POLR1A: variants seen among roughly 807,000 people sequenced by gnomAD.
POLR1A encodes RNA polymerase I subunit A, also known as DNA-directed RNA polymerase I subunit RPA1.
In POLR1A, 84 loss-of-function variants were observed where a neutral mutation model predicts 205.3. The observed-to-expected ratio is 0.41, with a 90% CI of 0.34 to 0.49. The LOEUF (loss-of-function observed/expected upper bound fraction) is 0.49, where lower values mean the gene tolerates loss of function less well. POLR1A is among the 20% of genes least tolerant of loss of function. The pLI, the probability that POLR1A is intolerant of heterozygous loss-of-function variation, is 0.22. For synonymous variants in POLR1A, 799 were observed against 863.7 expected (o/e 0.93, Z 1.31); for missense variants, 1,645 against 2,204.5 (o/e 0.75, Z 5.08).
intron 11 of POLR1A, 138 bp from the exon 12 acceptor site, chr2:86,075,398 T>C (rs1355988697): frequency 3.1e-6 from 2 of 648,986 alleles, no homozygotes; most frequent in East Asian, 5.4e-5. Context: ...GGTCTTCCAG[T>C]GAGCAAAGTA....
rs1011483381 is a variant in POLR1A at position 86,031,532 on chromosome 2, G to A, written c.4376C>T (p.Thr1459Ile). Residue 1459 changes from threonine (T) to isoleucine (I), a missense_variant, in exon 30 of 34, where the codon ACC (threonine) becomes ATC (isoleucine). This residue lies in a region of POLR1A where 394 missense variants were observed against 468.5 expected (regional missense o/e 0.84). Coordinates refer to ENST00000263857, the MANE Select transcript of POLR1A (RefSeq NM_015425.6). Reference protein sequence around the residue: ...RNPHREGARKTQEQDEEVGLG... With the variant: ...RNPHREGARKIQEQDEEVGLG... ...GCCCACCTCTTCATCTTGCTCTTGGGTCTTTCGAGCACCTTCCCTGTGGGG... is the reference window on the plus strand; with the variant it reads ...GCCCACCTCTTCATCTTGCTCTTGGATCTTTCGAGCACCTTCCCTGTGGGG... The A allele has an allele frequency of 6.2e-7, 1 of 1,614,172 alleles. No homozygotes were observed. Among genetic ancestry groups the A allele is most frequent in the African/African-American group, 1.3e-5 (1 of 75,042 alleles).
intron 3 of POLR1A, among the ~76,000 whole-genome samples, chr2:86,096,711 T>C (rs901525276): frequency 1.3e-5 from 2 of 152,114 alleles, no homozygotes; most frequent in African/African-American, 4.8e-5. Flanking sequence ...CTGGGAAAAC[T>C]AGATATCCAT....
intron 6 of POLR1A, 141 bp downstream of exon 6, chr2:86,088,425 A>G: frequency 1.7e-6 from 1 of 594,624 alleles, no homozygotes; most frequent in Non-Finnish European, 3.0e-6. Flanking sequence ...CTCAGGCCTG[A>G]GAGGCCTGCA....
chr2:86,068,134 C>T (rs1371570292), intron 13 of POLR1A, among the ~76,000 whole-genome samples: 1 of 152,180 alleles, frequency 6.6e-6, no homozygotes, highest in East Asian at 1.9e-4. Flanking sequence ...TCAAGCACAG[C>T]ACATTCAAGG....
chr2:86,081,617 C>A lies in POLR1A; in HGVS notation c.907G>T (p.Val303Leu). 1 of 1,602,846 alleles carries A rather than the reference C, an allele frequency of 6.2e-7. No homozygotes were observed. The highest frequency in any genetic ancestry group is 8.5e-7 in the Non-Finnish European group (1 of 1,174,062). The change falls in exon 8 of 34, where the codon GTG (valine) becomes TTG (leucine). Residue 303 changes from valine to leucine, a missense_variant. Around this residue, in one of 16 missense-constraint regions of POLR1A, gnomAD observed 330 missense variants for 375.6 expected, o/e 0.88. Coordinates refer to ENST00000263857, the MANE Select transcript of POLR1A (RefSeq NM_015425.6). ...GGGTATTACCTTGAGGGCGGCACCA[C>A]CAAGAAATCTAGAAAGAACACACTG... ...NPSVFFLDFL[V>L]VPPSRYRPVS... is the part of the protein sequence containing the mutation.
At chr2:86,093,120 A>C in intron 3 of POLR1A, among the ~76,000 whole-genome samples, 1 of 152,374 alleles carries the variant, frequency 6.6e-6, no homozygotes, top group South Asian at 2.1e-4. Flanking sequence ...TGAAAATTTC[A>C]GTATATATTG....
At chr2:86,077,702 A>T (rs1042736428) in intron 11 of POLR1A, among the ~76,000 whole-genome samples, 157 bp downstream of exon 11, 2 of 152,116 alleles carry the variant, frequency 1.3e-5, no homozygotes, top group Admixed American at 6.5e-5. Context: ...AAGAGGCAGA[A>T]GCTAGTTCCG....
intron 1 of POLR1A, among the ~76,000 whole-genome samples, chr2:86,103,637 A>ACT (rs1296745727): frequency 6.6e-6 from 1 of 152,224 alleles, no homozygotes; most frequent in Non-Finnish European, 1.5e-5. Context: ...GGGCTAGCAC[A>ACT]CTGTTACCAA....
chr2:86,030,081 G>A (rs1672355794), intron 31 of POLR1A, 115 bp downstream of exon 31: 1 of 814,838 alleles, frequency 1.2e-6, no homozygotes, highest in Non-Finnish European at 2.0e-6. Context: ...AGCACAAATG[G>A]CTCAGGAAGG....
intron 3 of POLR1A, among the ~76,000 whole-genome samples, chr2:86,092,004 A>G (rs1393641866): frequency 6.6e-6 from 1 of 152,070 alleles, no homozygotes; most frequent in African/African-American, 2.4e-5. Context: ...AGTCCCAGCT[A>G]CTCAAGGAGG....
At chr2:86,057,217 A>G (rs311583) in intron 14 of POLR1A, among the ~76,000 whole-genome samples, 116,108 of 152,158 alleles carry the variant, frequency 0.76, 49,473 homozygotes, top group East Asian at 0.98. Flanking sequence ...TGACTTTCAG[A>G]GGGTCAAGAC....
intron 12 of POLR1A, among the ~76,000 whole-genome samples, chr2:86,073,091 C>T (rs1414200907): frequency 2.6e-5 from 4 of 151,786 alleles, no homozygotes; most frequent in Admixed American, 6.6e-5. Context: ...CCCAGCTACT[C>T]GGGAGGCTGA....
chr2:86,039,747 C>T (rs577540710), intron 25 of POLR1A, among the ~76,000 whole-genome samples: 42 of 152,328 alleles, frequency 2.8e-4, no homozygotes, highest in Admixed American at 1.8e-3. Flanking sequence ...TGCCTGCTGA[C>T]GCTTACTGAA....
intron 12 of POLR1A, among the ~76,000 whole-genome samples, chr2:86,073,100 G>A (rs1378099379): frequency 6.6e-6 from 1 of 152,000 alleles, no homozygotes; most frequent in East Asian, 1.9e-4. Context: ...TCGGGAGGCT[G>A]AGTCAGAAGG....
chr2:86,092,556 G>A (rs1400950050), intron 3 of POLR1A, among the ~76,000 whole-genome samples: 1 of 152,232 alleles, frequency 6.6e-6, no homozygotes, highest in Non-Finnish European at 1.5e-5. Context: ...TGGGCACAGT[G>A]GCTCATGCCT....
intron 30 of POLR1A, 124 bp downstream of exon 30, chr2:86,031,206 G>A (rs1229061449): frequency 1.4e-5 from 19 of 1,379,798 alleles, no homozygotes; most frequent in Non-Finnish European, 1.8e-5. Context: ...CTGAGTGGGA[G>A]ACCATGGGGA....
At chr2:86,063,970 G>A (rs543277207) in intron 14 of POLR1A, among the ~76,000 whole-genome samples, 25 of 152,266 alleles carry the variant, frequency 1.6e-4, no homozygotes, top group Non-Finnish European at 3.2e-4. Flanking sequence ...TAAGAAGTAC[G>A]TTATTTAGAA....
rs183490100 is a variant in POLR1A at position 86,078,274 on chromosome 2, G to C, written c.1097C>G (p.Ser366Cys). 15 of 1,569,504 alleles carry C rather than the reference G, an allele frequency of 9.6e-6. No individual in the cohort carries two copies. The highest frequency in any genetic ancestry group is 1.3e-5 in the Non-Finnish European group (15 of 1,162,668). The change falls in exon 10 of 34, where the codon TCT becomes TGT. Residue 366 changes from serine to cysteine, a missense_variant. Physicochemically the swap from Ser to Cys is moderately radical, Grantham distance 112. Transcript: ENST00000263857. ...ATPTTDEEKD[S>C]LIAIDRSFLS... ...AAAGGATCGGTCAATAGCAATCAAA[G>C]AGTCTTTTTCCTGGAAGATGAAACC...
chr2:86,077,809 GCGCACACACACACACACACACA>G lies in POLR1A; in HGVS notation c.1380+28_1380+49del, dbSNP rs766990485. On this transcript the variant is annotated intron_variant, in intron 11 of 33. Coordinates refer to ENST00000263857, the MANE Select transcript of POLR1A (RefSeq NM_015425.6). ...GAGCAAATGAGCCCTGCACGCGCGCGCGCACACACACACACACACACACACACACACACACACACACACACAC... is the reference window on the plus strand; with the variant it reads ...GAGCAAATGAGCCCTGCACGCGCGCGCACACACACACACACACACACACAC... 8.9e-3 allele frequency: 11,563 copies of G among 1,301,888 alleles called. 622 individuals are homozygous for G. In the African/African-American group the frequency reaches 0.15, roughly 16 times the overall value. 80.6% of individuals were successfully genotyped at this position (1,301,888 alleles called of 1,614,324 possible). A position where few individuals can be genotyped will look rare whatever the true frequency, so the allele number is the denominator to read the frequency against.
Sources: allele counts gnomAD v4.1 joint callset (sites outside exome capture counted in the v4.1 genomes callset), GRCh38; gene constraint gnomAD v4.1.1; regional missense constraint gnomAD v4.1.1; transcripts MANE v1.5; gene names NCBI Gene and HGNC (gene_info 2026-07-23, HGNC 2026-07-21).